MEI4: variants seen among roughly 807,000 people sequenced by gnomAD.
The protein encoded by MEI4 is meiotic double-stranded break formation protein 4.
In MEI4, 27 loss-of-function variants were observed where a neutral mutation model predicts 31.4. The observed-to-expected ratio is 0.86, with a 90% confidence interval of 0.63 to 1.19. MEI4 has a LOEUF of 1.19. Ranked by LOEUF, MEI4 falls within the 50% of genes most tolerant of loss-of-function variation. MEI4 has a pLI of 0.00. For synonymous variants in MEI4, 122 were observed against 145.4 expected (o/e 0.84, Z 1.16); for missense variants, 329 against 398.9 (o/e 0.82, Z 1.49).
At chr6:77,808,877 C>T (rs59913748) in intron 3 of MEI4, among the ~76,000 whole-genome samples, 1,582 of 152,222 alleles carry the variant, frequency 0.01, 18 homozygotes, top group African/African-American at 0.034. Context: ...TAAGTTGGGC[C>T]GGGACACCAG....
intron 4 of MEI4, among the ~76,000 whole-genome samples, chr6:77,864,623 A>T (rs9361302): frequency 1.3e-5 from 2 of 152,210 alleles, no homozygotes; most frequent in East Asian, 3.9e-4. Flanking sequence ...CTCCCATACA[A>T]TAATAATGGG....
At chr6:77,692,893 C>CT (rs1769185493) in intron 2 of MEI4, among the ~76,000 whole-genome samples, 1 of 151,924 alleles carries the variant, frequency 6.6e-6, no homozygotes, top group Non-Finnish European at 1.5e-5. Flanking sequence ...CAGACACAGA[C>CT]TTAGGATCTG....
chr6:77,783,266 G>A (rs985913607), intron 3 of MEI4, among the ~76,000 whole-genome samples: 2 of 152,142 alleles, frequency 1.3e-5, no homozygotes, highest in Non-Finnish European at 2.9e-5. Flanking sequence ...GGCAATATCT[G>A]CTTACCCTGT....
chr6:77,813,777 T>G (rs1345308066), intron 3 of MEI4, among the ~76,000 whole-genome samples: 1 of 152,160 alleles, frequency 6.6e-6, no homozygotes, highest in Non-Finnish European at 1.5e-5. Flanking sequence ...CTGCCATTTA[T>G]TTTTTAACCT....
intron 4 of MEI4, among the ~76,000 whole-genome samples, chr6:77,912,285 C>G (rs772966809): frequency 6.6e-6 from 1 of 151,776 alleles, no homozygotes; most frequent in Non-Finnish European, 1.5e-5. Context: ...GCTCTTTTTC[C>G]TCGGGATTGC....
chr6:77,768,063 G>A (rs1305234597), intron 3 of MEI4, among the ~76,000 whole-genome samples: 3 of 152,106 alleles, frequency 2.0e-5, no homozygotes, highest in East Asian at 3.9e-4. Flanking sequence ...CTGTGTCATG[G>A]TTGTTATTAC....
At chr6:77,907,542 G>A (rs1325825320) in intron 4 of MEI4, among the ~76,000 whole-genome samples, 3 of 152,108 alleles carry the variant, frequency 2.0e-5, no homozygotes, top group Admixed American at 1.3e-4. Flanking sequence ...TATCATTGTT[G>A]GACATTTGGC....
chr6:77,904,407 A>G (rs1283878346), intron 4 of MEI4, among the ~76,000 whole-genome samples: 1 of 152,080 alleles, frequency 6.6e-6, no homozygotes, highest in Non-Finnish European at 1.5e-5. Context: ...ATTTTTTCAC[A>G]TAGGTAATAA....
chr6:77,910,355 CAA>C (rs1244961348), intron 4 of MEI4, among the ~76,000 whole-genome samples: 1 of 152,162 alleles, frequency 6.6e-6, no homozygotes, highest in Admixed American at 6.6e-5. Context: ...GCAACTTCAG[CAA>C]AGTCTCAAGA....
chr6:77,813,135 C>T lies in MEI4; in HGVS notation c.769-15796C>T, dbSNP rs551432800. Reference sequence around the variant, plus strand: ...TGGAGCAACAGCTAAGTTTTTGGTGCCTGATCCCAGTATTTTTTAACACAG... The same window carrying T: ...TGGAGCAACAGCTAAGTTTTTGGTGTCTGATCCCAGTATTTTTTAACACAG... On this transcript the variant is annotated intron_variant, in intron 3 of 4. Transcript: ENST00000684080. Among the ~76,000 whole-genome samples the T allele has an allele frequency of 5.3e-5, 8 of 152,136 alleles. No individual in the cohort carries two copies. The South Asian group carries it at 1.7e-3, about 32-fold the overall frequency.
intron 4 of MEI4, among the ~76,000 whole-genome samples, chr6:77,867,145 A>G (rs963700321): frequency 6.6e-6 from 1 of 152,232 alleles, no homozygotes; most frequent in African/African-American, 2.4e-5. Flanking sequence ...AGGCATTACC[A>G]TTCAGGACAT....
intron 3 of MEI4, among the ~76,000 whole-genome samples, chr6:77,822,831 C>T (rs1434253621): frequency 6.6e-6 from 1 of 151,914 alleles, no homozygotes; most frequent in Non-Finnish European, 1.5e-5. Flanking sequence ...GCCTTGTTAG[C>T]CAGGATGGTC....
chr6:77,851,652 A>T (rs1311940633), intron 4 of MEI4, among the ~76,000 whole-genome samples: 1 of 94,690 alleles, frequency 1.1e-5, no homozygotes, highest in East Asian at 3.6e-4. Context: ...GGGAGGGGGG[A>T]GGGATAGCAT....
intron 3 of MEI4, among the ~76,000 whole-genome samples, chr6:77,801,704 G>C (rs9443474): frequency 0.31 from 46,740 of 150,378 alleles, 7,373 homozygotes; most frequent in East Asian, 0.49. Flanking sequence ...TTCTTGTCAT[G>C]TTTATTTCTG....
rs143407012 is a variant in MEI4, at chr6:77,764,064, G to A, written c.768+2399G>A. Among the ~76,000 whole-genome samples the A allele has an allele frequency of 6.0e-4, 91 of 152,038 alleles. No homozygotes were observed. The East Asian group carries it at 8.5e-3, about 14-fold the overall frequency. On this transcript the variant is annotated intron_variant, in intron 3 of 4. Transcript: ENST00000684080. ...CTTGACCTCGTGATCTGCCCACTTC[G>A]GTCTCCCAAAGTGCTGGGATTACAG...
chr6:77,774,027 G>A (rs1186512555), intron 3 of MEI4, among the ~76,000 whole-genome samples: 2 of 152,042 alleles, frequency 1.3e-5, no homozygotes, highest in African/African-American at 4.8e-5. Context: ...CTGCTGGTGA[G>A]GATGTGGAGA....
At chr6:77,683,036 T>C (rs1370871725) in intron 1 of MEI4, among the ~76,000 whole-genome samples, 1 of 152,190 alleles carries the variant, frequency 6.6e-6, no homozygotes, top group East Asian at 1.9e-4. Flanking sequence ...AATGTGCAAG[T>C]ACTGTTCTTT....
chr6:77,846,404 G>A (rs1770487950), intron 4 of MEI4, among the ~76,000 whole-genome samples: 1 of 152,004 alleles, frequency 6.6e-6, no homozygotes, highest in African/African-American at 2.4e-5. Context: ...TCATGCCACT[G>A]AACATGTCAA....
intron 3 of MEI4, among the ~76,000 whole-genome samples, chr6:77,803,980 C>A (rs1769352971): frequency 2.6e-5 from 4 of 152,178 alleles, no homozygotes; most frequent in Admixed American, 2.6e-4. Context: ...GCTGGGAGAA[C>A]CACTGCTCTC....
Sources: allele counts gnomAD v4.1 joint callset (sites outside exome capture counted in the v4.1 genomes callset), GRCh38; gene constraint gnomAD v4.1.1; transcripts MANE v1.5; gene names NCBI Gene and HGNC (gene_info 2026-07-23, HGNC 2026-07-21).